Variants in PIK3C3 observed in about 807,000 individuals in gnomAD.
PIK3C3 encodes PI3-kinase type 3.
PIK3C3 carries 95 observed loss-of-function variants against 126.1 expected under a neutral mutation model. That is an observed-to-expected ratio of 0.75 (90% CI 0.64 to 0.89). The LOEUF is 0.89. Among genes scored for constraint, PIK3C3 ranks in the 40% least tolerant of loss-of-function variants. The probability of loss-of-function intolerance (pLI) is 0.00; values close to 1 mark genes in which losing one functional copy is unlikely to be tolerated. For missense variants in PIK3C3, 829 were observed against 1,063.2 expected (o/e 0.78, Z 3.06); for synonymous variants, 374 against 360.0 (o/e 1.04, Z -0.44).
At position 42,081,835 on chromosome 18, in the gene PIK3C3, A is replaced by G. The variant is rs923926271; in HGVS notation, c.*698A>G. ...AATGTGGCTATTTAGATAACTGGCC[A>G]AAAGGTCATATGACCACCAGTTTTA... On this transcript the variant is annotated 3_prime_UTR_variant, in exon 25 of 25. Coordinates refer to ENST00000262039, the MANE Select transcript of PIK3C3 (RefSeq NM_002647.4). The G allele has an allele frequency of 1.3e-5, 2 of 152,228 alleles. No individual in the cohort carries two copies. Among genetic ancestry groups the G allele is most frequent in the African/African-American group, 4.8e-5 (2 of 41,474 alleles). The allele number at this position is 152,228 out of a possible 1,614,324, so 9.4% of individuals were successfully genotyped here. A position where few individuals can be genotyped will look rare whatever the true frequency, so the allele number is the denominator to read the frequency against.
chr18:41,993,923 A>G (rs1981902618), intron 7 of PIK3C3, among the ~76,000 whole-genome samples: 1 of 152,146 alleles, frequency 6.6e-6, no homozygotes, highest in African/African-American at 2.4e-5. Flanking sequence ...GTTTAATTAG[A>G]TGACTTTAGA....
chr18:42,036,078 A>T (rs1252779129), intron 16 of PIK3C3, among the ~76,000 whole-genome samples: 1 of 152,212 alleles, frequency 6.6e-6, no homozygotes, highest in Non-Finnish European at 1.5e-5. Context: ...ACTTCCAATT[A>T]CTAGGGCTCA....
intron 24 of PIK3C3, among the ~76,000 whole-genome samples, chr18:42,076,129 T>TATATATATATATATGCAC (rs1985991934): frequency 1.2e-5 from 1 of 81,728 alleles, no homozygotes; most frequent in African/African-American, 8.7e-5. Context: ...TATGCGCATA[T>TATATATATATATATGCAC]ATATATATAT....
At chr18:42,028,598 T>G (rs1422424012) in intron 14 of PIK3C3, among the ~76,000 whole-genome samples, 1 of 152,216 alleles carries the variant, frequency 6.6e-6, no homozygotes, top group Non-Finnish European at 1.5e-5. Context: ...TCCCAAAGCT[T>G]CTCAACATCA....
intron 13 of PIK3C3, among the ~76,000 whole-genome samples, chr18:42,024,808 T>A (rs190356273): frequency 2.6e-5 from 4 of 151,426 alleles, no homozygotes; most frequent in African/African-American, 4.9e-5. Flanking sequence ...TTTTCTTTTT[T>A]TTTTCTTTTT....
chr18:41,957,507 T>TA, intron 1 of PIK3C3, 63 bp from the exon 2 acceptor site: 1 of 1,489,024 alleles, frequency 6.7e-7, no homozygotes, highest in Non-Finnish European at 9.2e-7. Flanking sequence ...GCTTAGTACT[T>TA]ATGTATATAT....
chr18:41,987,067 C>G (rs1981517304), intron 4 of PIK3C3, among the ~76,000 whole-genome samples: 1 of 151,942 alleles, frequency 6.6e-6, no homozygotes, highest in Non-Finnish European at 1.5e-5. Flanking sequence ...CTATGTAAAG[C>G]TTTGATGTCC....
At chr18:42,001,858 ATTAT>A (rs2144376961) in intron 9 of PIK3C3, among the ~76,000 whole-genome samples, 1 of 152,354 alleles carries the variant, frequency 6.6e-6, no homozygotes, top group South Asian at 2.1e-4. Context: ...TTTCACTGTC[ATTAT>A]TTAAGAAGTA....
At chr18:42,008,524 G>A (rs146687942) in intron 10 of PIK3C3, among the ~76,000 whole-genome samples, 39 of 152,146 alleles carry the variant, frequency 2.6e-4, no homozygotes, top group African/African-American at 8.9e-4. Context: ...AATAAGAAAT[G>A]GGAAGTCACT....
At chr18:41,975,294 T>A (rs1980859718) in intron 4 of PIK3C3, among the ~76,000 whole-genome samples, 1 of 152,218 alleles carries the variant, frequency 6.6e-6, no homozygotes, top group African/African-American at 2.4e-5. Flanking sequence ...CAGTGTCTAA[T>A]ATCAGAGCCA....
chr18:42,027,576 A>G, intron 14 of PIK3C3, 28 bp downstream of exon 14: 1 of 1,378,400 alleles, frequency 7.3e-7, no homozygotes, highest in Non-Finnish European at 1.0e-6. Flanking sequence ...GGGTTGGCAA[A>G]CTGCAGCACA....
At chr18:42,062,186 A>T (rs564735100) in intron 22 of PIK3C3, among the ~76,000 whole-genome samples, 1 of 151,958 alleles carries the variant, frequency 6.6e-6, no homozygotes, top group Admixed American at 6.6e-5. Context: ...TTATGTACCT[A>T]TGTAATCAAC....
At chr18:41,986,499 G>T (rs1439557142) in intron 4 of PIK3C3, among the ~76,000 whole-genome samples, 1 of 152,058 alleles carries the variant, frequency 6.6e-6, no homozygotes, top group Non-Finnish European at 1.5e-5. Flanking sequence ...AAGAATAGAT[G>T]TTAATACTTG....
chr18:42,007,539 T>C (rs948886392), intron 10 of PIK3C3, among the ~76,000 whole-genome samples: 34 of 152,150 alleles, frequency 2.2e-4, no homozygotes, highest in African/African-American at 8.2e-4. Flanking sequence ...TTCACTCACT[T>C]ATCAATTTTA....
chr18:42,020,528 C>G, intron 12 of PIK3C3, 110 bp from the exon 13 acceptor site: 1 of 639,550 alleles, frequency 1.6e-6, no homozygotes. Flanking sequence ...AAAATCTGAT[C>G]TATTACATAA....
intron 22 of PIK3C3, chr18:42,059,800 C>G (rs373690223): frequency 9.0e-4 from 130 of 144,180 alleles, no homozygotes; most frequent in African/African-American, 3.3e-3. Context: ...GACAGGTTGT[C>G]ACTGTCGCCC....
intron 2 of PIK3C3, among the ~76,000 whole-genome samples, chr18:41,961,323 T>G (rs1277951182): frequency 6.6e-6 from 1 of 152,250 alleles, no homozygotes; most frequent in Non-Finnish European, 1.5e-5. Context: ...AAGTTGGCAC[T>G]GCTTAGTGTT....
chr18:42,018,187 A>G (rs1036004608), intron 12 of PIK3C3, among the ~76,000 whole-genome samples: 1 of 151,990 alleles, frequency 6.6e-6, no homozygotes, highest in Non-Finnish European at 1.5e-5. Flanking sequence ...GACCTACAAT[A>G]TGTGATCTTT....
chr18:42,074,576 C>T (rs600658), intron 24 of PIK3C3, among the ~76,000 whole-genome samples: 76,345 of 151,904 alleles, frequency 0.5, 20,998 homozygotes, highest in African/African-American at 0.74. Flanking sequence ...AGTTGTGAAA[C>T]CGATACATAA....
Sources: gnomAD v4.1 joint callset for allele counts (sites outside exome capture counted in the v4.1 genomes callset) on GRCh38, gnomAD v4.1.1 for gene constraint, MANE v1.5 for transcripts, NCBI Gene and HGNC (gene_info 2026-07-23, HGNC 2026-07-21) for gene names.